Variants in GRID2 observed in about 807,000 individuals in gnomAD.
The protein encoded by GRID2 is glutamate ionotropic receptor delta type subunit 2.
In GRID2, 33 loss-of-function variants were observed where a neutral mutation model predicts 114.8. The observed-to-expected ratio is 0.29, with a 90% CI of 0.22 to 0.38. The LOEUF is 0.38. GRID2 is among the 10% of genes least tolerant of loss of function. The pLI is 1.00. For synonymous variants in GRID2, 505 were observed against 449.9 expected (o/e 1.12, Z -1.55); for missense variants, 1,184 against 1,257.7 (o/e 0.94, Z 0.89).
rs190603360 is a variant in GRID2, at chr4:93,251,303, A to G, written c.1245+12813A>G. ...TTTGAAGTAGCTCCTCTCTAGCACT[A>G]GCACTCTGATTATTTCTCTCTAATA... On this transcript the variant is annotated intron_variant, in intron 8 of 15. Coordinates refer to ENST00000282020, the MANE Select transcript of GRID2 (RefSeq NM_001510.4). 1.2e-3 allele frequency among the ~76,000 whole-genome samples: 178 copies of G among 152,292 alleles called. 1 individual carries two copies. In the East Asian group the frequency reaches 0.027, roughly 23 times the overall value.
intron 8 of GRID2, among the ~76,000 whole-genome samples, chr4:93,368,240 T>G (rs1277334144): frequency 6.6e-6 from 1 of 152,088 alleles, no homozygotes; most frequent in Non-Finnish European, 1.5e-5. Flanking sequence ...AATTATTATT[T>G]ACCAGAAATA....
intron 2 of GRID2, among the ~76,000 whole-genome samples, chr4:92,757,865 A>T (rs201352182): frequency 0.023 from 3,442 of 151,996 alleles, 92 homozygotes; most frequent in East Asian, 0.12. Context: ...AAAAAGGTTT[A>T]TACATTGGAT....
chr4:93,276,460 C>A (rs960876198), intron 8 of GRID2, among the ~76,000 whole-genome samples: 1 of 151,922 alleles, frequency 6.6e-6, no homozygotes, highest in Non-Finnish European at 1.5e-5. Context: ...ACTTTATGAT[C>A]GTCTGTACGA....
intron 1 of GRID2, among the ~76,000 whole-genome samples, chr4:93,782,613 A>G (rs1331378781): frequency 6.6e-6 from 1 of 152,178 alleles, no homozygotes; most frequent in African/African-American, 2.4e-5. Flanking sequence ...GCCATTAGAA[A>G]GATGACTTAG....
At chr4:93,385,818 C>T (rs747144565) in intron 8 of GRID2, among the ~76,000 whole-genome samples, 2 of 151,940 alleles carry the variant, frequency 1.3e-5, no homozygotes, top group Admixed American at 1.3e-4. Flanking sequence ...GATCGAGAAA[C>T]TAAGGTTTTT....
chr4:92,924,958 C>T (rs750676296), intron 2 of GRID2, among the ~76,000 whole-genome samples: 12 of 152,046 alleles, frequency 7.9e-5, no homozygotes, highest in South Asian at 2.1e-4. Flanking sequence ...ATCTTCTTTA[C>T]CTGAGATCCA....
At chr4:93,200,980 T>C (rs1457181603) in intron 4 of GRID2, among the ~76,000 whole-genome samples, 3 of 152,190 alleles carry the variant, frequency 2.0e-5, no homozygotes, top group East Asian at 1.9e-4. Flanking sequence ...TCTCATTTAA[T>C]GTTCATTCTG....
chr4:92,896,108 A>T (rs1427118347), intron 2 of GRID2, among the ~76,000 whole-genome samples: 1 of 152,238 alleles, frequency 6.6e-6, no homozygotes, highest in African/African-American at 2.4e-5. Flanking sequence ...CTATGTAAGT[A>T]TAATTGTGCT....
chr4:93,551,778 C>T (rs1302602547), intron 13 of GRID2, among the ~76,000 whole-genome samples: 2 of 152,162 alleles, frequency 1.3e-5, no homozygotes, highest in African/African-American at 4.8e-5. Context: ...TTTGCACCAA[C>T]CTAAACTTTA....
chr4:93,066,218 G>C (rs1728279645), intron 2 of GRID2, among the ~76,000 whole-genome samples: 1 of 151,902 alleles, frequency 6.6e-6, no homozygotes, highest in South Asian at 2.1e-4. Flanking sequence ...TTTTTATAAA[G>C]ATTTCATAGA....
intron 4 of GRID2, among the ~76,000 whole-genome samples, chr4:93,139,560 C>T (rs62308218): frequency 0.076 from 11,599 of 152,186 alleles, 488 homozygotes; most frequent in East Asian, 0.18. Flanking sequence ...CCATACTGTC[C>T]TATTATAACA....
chr4:92,523,973 A>G (rs1379718112), intron 1 of GRID2, among the ~76,000 whole-genome samples: 1 of 152,098 alleles, frequency 6.6e-6, no homozygotes, highest in Non-Finnish European at 1.5e-5. Context: ...GCAAAGTCCC[A>G]TAGAAGGTAA....
At chr4:92,813,051 C>A (rs189338177) in intron 2 of GRID2, among the ~76,000 whole-genome samples, 4 of 152,060 alleles carry the variant, frequency 2.6e-5, no homozygotes, top group South Asian at 2.1e-4. Flanking sequence ...TGTGTATATA[C>A]CTTTAGATTT....
At chr4:92,742,313 A>G (rs1481119844) in intron 2 of GRID2, among the ~76,000 whole-genome samples, 1 of 152,056 alleles carries the variant, frequency 6.6e-6, no homozygotes, top group Non-Finnish European at 1.5e-5. Flanking sequence ...ATTATATTCT[A>G]CATAATGCTC....
At chr4:93,011,128 T>TC (rs1319594012) in intron 2 of GRID2, among the ~76,000 whole-genome samples, 4 of 151,942 alleles carry the variant, frequency 2.6e-5, no homozygotes, top group African/African-American at 9.7e-5. Flanking sequence ...AGGTTTTTTT[T>TC]TTGTTTCTTT....
At chr4:93,426,983 G>A (rs145795506) in intron 10 of GRID2, among the ~76,000 whole-genome samples, 1,711 of 152,002 alleles carry the variant, frequency 0.011, 20 homozygotes, top group South Asian at 0.051. Flanking sequence ...TAGATAGAGA[G>A]ATTAAAAGAA....
At chr4:92,849,801 C>G (rs1466215717) in intron 2 of GRID2, among the ~76,000 whole-genome samples, 1 of 151,536 alleles carries the variant, frequency 6.6e-6, no homozygotes, top group Non-Finnish European at 1.5e-5. Flanking sequence ...CATAAAGAAC[C>G]AAGACTTTTT....
intron 1 of GRID2, among the ~76,000 whole-genome samples, chr4:92,490,735 A>G (rs1723108755): frequency 6.6e-6 from 1 of 152,160 alleles, no homozygotes; most frequent in Admixed American, 6.6e-5. Context: ...GGGGGATTTC[A>G]TAAGAGGCCG....
chr4:93,419,275 AG>A (rs1768031328), intron 9 of GRID2, among the ~76,000 whole-genome samples: 1 of 151,944 alleles, frequency 6.6e-6, no homozygotes, highest in South Asian at 2.1e-4. Flanking sequence ...TATTGAGTGT[AG>A]TACCTTGATG....
Sources: allele counts gnomAD v4.1 joint callset (sites outside exome capture counted in the v4.1 genomes callset), GRCh38; gene constraint gnomAD v4.1.1; transcripts MANE v1.5; gene names NCBI Gene and HGNC (gene_info 2026-07-23, HGNC 2026-07-21).